COCH: variants seen among roughly 807,000 people sequenced by gnomAD.
The protein encoded by COCH is cochlin.
Under a neutral mutation model 54.8 loss-of-function variants are expected in COCH, and 40 were observed. The observed-to-expected ratio is 0.73, with a 90% confidence interval of 0.57 to 0.95. The LOEUF (loss-of-function observed/expected upper bound fraction) is 0.95. Among genes scored for constraint, COCH ranks in the 40% least tolerant of loss-of-function variants. COCH has a pLI of 0.00. For missense variants in COCH, 605 were observed against 675.0 expected (o/e 0.90, Z 1.15); for synonymous variants, 256 against 237.9 (o/e 1.08, Z -0.70).
At position 30,890,399 on chromosome 14, in the gene COCH, GCAGGATTGC is replaced by G. The variant is rs535642374; in HGVS notation, c.*613_*621del. The stretch of plus-strand genomic sequence containing the variant: ...TAAAAATATCACACTGAATAAGAGA[GCAGGATTGC>G]CAGGTATTTTTCTATTTCTCTCCTT... On this transcript the variant is annotated 3_prime_UTR_variant, in exon 12 of 12. Coordinates refer to ENST00000396618, the MANE Select transcript of COCH (RefSeq NM_004086.3). 1.4e-4 allele frequency: 135 copies of G among 984,412 alleles called. 2 individuals carry two copies. The East Asian group carries it at 0.014, about 105-fold the overall frequency. The allele number at this position is 984,412 out of a possible 1,614,324, so 61.0% of individuals were successfully genotyped here. A position where few individuals can be genotyped will look rare whatever the true frequency, so the allele number is the denominator to read the frequency against.
In COCH at chr14:30,885,836, C is replaced by T. The variant is rs996028521; in HGVS notation, c.1001C>T (p.Pro334Leu). 3 of 1,613,964 alleles carry T rather than the reference C, an allele frequency of 1.9e-6. No individual in the cohort carries two copies. The highest frequency in any genetic ancestry group is 2.7e-5 in the African/African-American group (2 of 74,894). ...AATGGCTTCTTCTCTTACCACATGC[C>T]CAACTGGTTTGGCACCACAAAATAC... ...RNNGFFSYHM[P>L]NWFGTTKYVK... Residue 334 changes from proline (P) to leucine (L), a missense_variant, in exon 11 of 12, where the codon CCC becomes CTC. Coordinates refer to ENST00000396618, the MANE Select transcript of COCH (RefSeq NM_004086.3).
intron 8 of COCH, among the ~76,000 whole-genome samples, chr14:30,883,653 ATAATGC>A (rs1411287760): frequency 6.6e-6 from 1 of 152,224 alleles, no homozygotes; most frequent in Non-Finnish European, 1.5e-5. Context: ...ATGGCTACTG[ATAATGC>A]TAAGATCTTA....
intron 5 of COCH, 24 bp from the exon 6 acceptor site, chr14:30,879,399 A>G (rs1031593793): frequency 1.2e-6 from 2 of 1,612,706 alleles, no homozygotes; most frequent in Non-Finnish European, 8.5e-7. Context: ...AAGGAAAAAA[A>G]TAAGCTTATT....
At chr14:30,888,309 C>T (rs1002986668) in intron 11 of COCH, among the ~76,000 whole-genome samples, 1 of 151,468 alleles carries the variant, frequency 6.6e-6, no homozygotes. Flanking sequence ...GACATTGTTC[C>T]AAGTAGCTTT....
Position 30,882,120 on chromosome 14 carries a change from GT to G in COCH, c.629+1413del, listed in dbSNP as rs61175020. 3.6e-3 allele frequency among the ~76,000 whole-genome samples: 247 copies of G among 67,890 alleles called. 1 individual carries two copies. Among genetic ancestry groups the G allele is most frequent in the African/African-American group, 9.1e-3 (138 of 15,198 alleles). The allele number at this position is 67,890 out of a possible 152,430, so 44.5% of individuals were successfully genotyped here. On this transcript the variant is annotated intron_variant, in intron 8 of 11. Coordinates refer to ENST00000396618, the MANE Select transcript of COCH (RefSeq NM_004086.3). ...CCCTAGAGATAATCACTATAAAATG[GT>G]TTTTTTTTTTTTTTTTTTTTTTTTT...
At chr14:30,894,048 C>T (rs998179990), downstream of COCH, 6 of 152,508 alleles carry the variant, frequency 3.9e-5, no homozygotes, top group African/African-American at 1.4e-4. Flanking sequence ...AGAAAAGTTT[C>T]TCGGAAGACT....
At chr14:30,895,256 CATTAAGATGTG>C, downstream of COCH, 10 of 746,596 alleles carry the variant, frequency 1.3e-5, 1 homozygote, top group South Asian at 2.2e-4. Flanking sequence ...ATGAGCTTGA[CATTAAGATGTG>C]ATTTCCACCA....
Position 30,889,953 on chromosome 14 carries a change from C to A in COCH, c.*162C>A. On this transcript the variant is annotated 3_prime_UTR_variant, in exon 12 of 12. Coordinates refer to ENST00000396618, the MANE Select transcript of COCH (RefSeq NM_004086.3). ...ATAAGCACTCCTTTAAAGCCGCTGC[C>A]TTCTGGTTACAATTTACAGTGTACT... The A allele has an allele frequency of 4.3e-6, 6 of 1,388,734 alleles. No homozygotes were observed. The highest frequency in any genetic ancestry group is 5.6e-6 in the Non-Finnish European group (6 of 1,071,970). 86.0% of individuals were successfully genotyped at this position (1,388,734 alleles called of 1,614,324 possible). A position where few individuals can be genotyped will look rare whatever the true frequency, so the allele number is the denominator to read the frequency against.
At chr14:30,884,712 A>C (rs1895722552) in intron 9 of COCH, 56 bp downstream of exon 9, 7 of 1,380,074 alleles carry the variant, frequency 5.1e-6, no homozygotes, top group Non-Finnish European at 7.2e-6. Flanking sequence ...CAGTGATCAG[A>C]CATGTAAAAC....
At position 30,877,874 on chromosome 14, in the gene COCH, C is replaced by A; in HGVS notation, c.239+146C>A. ...AAAATGGATATATTTTCACGGTTCTCCTGGATATACTTGAAACACCAAATA... is the reference window on the plus strand; with the variant it reads ...AAAATGGATATATTTTCACGGTTCTACTGGATATACTTGAAACACCAAATA... On this transcript the variant is annotated intron_variant, in intron 4 of 11. Coordinates refer to ENST00000396618, the MANE Select transcript of COCH (RefSeq NM_004086.3). The surrounding 1 kb of genome is among the most constrained non-coding windows in gnomAD (Gnocchi z 8.6). 1.4e-6 allele frequency: 2 copies of A among 1,403,014 alleles called. No individual in the cohort carries two copies. Among genetic ancestry groups the A allele is most frequent in the Non-Finnish European group, 1.9e-6 (2 of 1,032,452 alleles). 86.9% of individuals were successfully genotyped at this position (1,403,014 alleles called of 1,614,324 possible).
At chr14:30,891,881 C>T (rs1349168703), downstream of COCH, among the ~76,000 whole-genome samples, 3 of 152,156 alleles carry the variant, frequency 2.0e-5, no homozygotes, top group East Asian at 5.8e-4. Context: ...AGGTTATTTA[C>T]AGGAGACAGA....
In COCH at chr14:30,877,304, C is replaced by A. The variant is rs2284654; in HGVS notation, c.83-268C>A. ...TTTGAGCCTAGCTTGGGCAACTTGG[C>A]GAGTCCCCATTTCAAAAACAAAAAC... On this transcript the variant is annotated intron_variant, in intron 3 of 11. Coordinates refer to ENST00000396618, the MANE Select transcript of COCH (RefSeq NM_004086.3). This position sits in a 1 kb window ranked among gnomAD's most constrained non-coding sequence, Gnocchi z 8.6. 17,056 of 407,546 alleles carry A rather than the reference C, an allele frequency of 0.042. 865 individuals are homozygous for A. Among genetic ancestry groups the A allele is most frequent in the African/African-American group, 0.16 (7,845 of 48,426 alleles). 25.2% of individuals were successfully genotyped at this position (407,546 alleles called of 1,614,324 possible). A position where few individuals can be genotyped will look rare whatever the true frequency, so the allele number is the denominator to read the frequency against.
chr14:30,877,588 ATG>A lies in COCH; in HGVS notation c.101_102del (p.Cys34PhefsTer23), dbSNP rs1566406646. 1 of 1,614,146 alleles carries A rather than the reference ATG, an allele frequency of 6.2e-7. No homozygotes were observed. Among genetic ancestry groups the A allele is most frequent in the South Asian group, 1.1e-5 (1 of 91,088 alleles). On this transcript the variant is annotated frameshift_variant, in exon 4 of 12. Transcript: ENST00000396618. LOFTEE classifies it high-confidence loss of function. The surrounding 1 kb of genome is among the most constrained non-coding windows in gnomAD (Gnocchi z 8.6). ...SEGAAPIAITCFTRGLDIRKE... is the reference protein window; with the variant it reads ...SEGAAPIAITXFTRGLDIRKE... ...TTTCTTCAGCTCCCATTGCTATCAC[ATG>A]TTTTACCAGAGGCTTGGACATCAGG...
intron 8 of COCH, among the ~76,000 whole-genome samples, chr14:30,882,521 AG>A (rs1895649371): frequency 6.6e-6 from 1 of 151,490 alleles, no homozygotes; most frequent in African/African-American, 2.4e-5. Context: ...TTCATCCTTT[AG>A]TATTTTTAGC....
In COCH at chr14:30,882,120, G is replaced by GTTTTTTTTTTTTTGTTTTGTTTTTTTTT. The variant is rs1895619344; in HGVS notation, c.629+1399_629+1400insGTTTTGTTTTTTTTTTTTTTTTTTTTTT. On this transcript the variant is annotated intron_variant, in intron 8 of 11. Transcript: ENST00000396618. ...CCCTAGAGATAATCACTATAAAATG[G>GTTTTTTTTTTTTTGTTTTGTTTTTTTTT]TTTTTTTTTTTTTTTTTTTTTTTTT... 2.4e-4 allele frequency among the ~76,000 whole-genome samples: 16 copies of GTTTTTTTTTTTTTGTTTTGTTTTTTTTT among 67,894 alleles called. 1 individual carries two copies. Among genetic ancestry groups the GTTTTTTTTTTTTTGTTTTGTTTTTTTTT allele is most frequent in the African/African-American group, 1.1e-3 (16 of 15,180 alleles). The allele number at this position is 67,894 out of a possible 152,430, so 44.5% of individuals were successfully genotyped here.
In COCH at chr14:30,881,495, G is replaced by A. The variant is rs565997565; in HGVS notation, c.629+761G>A. The stretch of plus-strand genomic sequence containing the variant: ...CTGGAGAGTCCTGTTGCTTACACAA[G>A]TCACCTCTGCTTATCTACTCTGCTC... On this transcript the variant is annotated intron_variant, in intron 8 of 11. Transcript: ENST00000396618. 4.6e-5 allele frequency among the ~76,000 whole-genome samples: 7 copies of A among 152,286 alleles called. No individual in the cohort carries two copies. The East Asian group carries it at 1.3e-3, about 29-fold the overall frequency.
At chr14:30,887,287 A>G (rs1241125461) in intron 11 of COCH, among the ~76,000 whole-genome samples, 1 of 151,888 alleles carries the variant, frequency 6.6e-6, no homozygotes, top group Non-Finnish European at 1.5e-5. Context: ...CCAGCTACTC[A>G]GGAGGCTGAG....
downstream of COCH, chr14:30,895,237 G>C: frequency 1.5e-6 from 1 of 675,272 alleles, no homozygotes; most frequent in African/African-American, 1.8e-5. Flanking sequence ...AGTAATTACA[G>C]TTAACTTAAT....
At chr14:30,879,984 A>G (rs891107995) in intron 6 of COCH, among the ~76,000 whole-genome samples, 1 of 152,052 alleles carries the variant, frequency 6.6e-6, no homozygotes, top group Non-Finnish European at 1.5e-5. Flanking sequence ...TAAAAGTCCT[A>G]TTTTCTCCCA....
Sources: allele counts gnomAD v4.1 joint callset (sites outside exome capture counted in the v4.1 genomes callset), GRCh38; gene constraint gnomAD v4.1.1; non-coding constraint Gnocchi (gnomAD v3.1); transcripts MANE v1.5; gene names NCBI Gene and HGNC (gene_info 2026-07-23, HGNC 2026-07-21).